Variants in TNPO1 observed in about 807,000 individuals in gnomAD.
The protein encoded by TNPO1 is transportin-1.
A neutral mutation model predicts 119.5 loss-of-function variants in TNPO1; 8 were observed. The ratio of observed to expected loss-of-function variants is 0.07; its 90% confidence interval spans 0.04 to 0.12. The LOEUF (loss-of-function observed/expected upper bound fraction) is 0.12, where lower values mean the gene tolerates loss of function less well. Among genes scored for constraint, TNPO1 ranks in the 10% least tolerant of loss-of-function variants. TNPO1 has a pLI of 1.00. For synonymous variants in TNPO1, 362 were observed against 363.0 expected, an observed-to-expected ratio of 1.00 and a Z score of 0.03; for missense variants, 576 against 1,089.8, an observed-to-expected ratio of 0.53 and a Z score of 6.64.
intron 10 of TNPO1, among the ~76,000 whole-genome samples, chr5:72,882,743 C>T (rs1247084705): frequency 6.6e-6 from 1 of 152,078 alleles, no homozygotes; most frequent in Non-Finnish European, 1.5e-5. Flanking sequence ...TTAATTTCCC[C>T]TTAATTACTT....
At chr5:72,861,343 A>G (rs1746431702) in intron 4 of TNPO1, among the ~76,000 whole-genome samples, 2 of 152,204 alleles carry the variant, frequency 1.3e-5, no homozygotes, top group Admixed American at 6.5e-5. Context: ...TTAGAAACAG[A>G]TCTGGTTTAT....
At chr5:72,863,016 G>GTT (rs1554051204) in intron 5 of TNPO1, among the ~76,000 whole-genome samples, 5 of 148,768 alleles carry the variant, frequency 3.4e-5, no homozygotes, top group Admixed American at 2.8e-4. Context: ...GTGTGTGTGT[G>GTT]TGTGTGTGTG....
chr5:72,886,186 C>T (rs913998109), intron 11 of TNPO1, among the ~76,000 whole-genome samples: 2 of 152,060 alleles, frequency 1.3e-5, no homozygotes, highest in Admixed American at 6.6e-5. Context: ...TTTTGTTGCT[C>T]TTGTCTAAAT....
intron 5 of TNPO1, among the ~76,000 whole-genome samples, chr5:72,862,988 GTT>G (rs1349801230): frequency 1.2e-4 from 14 of 114,158 alleles, no homozygotes; most frequent in East Asian, 2.9e-4. Context: ...TGACCTGTGG[GTT>G]TTTGTGTGTG....
rs1409118894 is a variant in TNPO1, at chr5:72,819,950, GTTAA to G, written c.15+3202_15+3205del. Among the ~76,000 whole-genome samples the G allele has an allele frequency of 5.3e-5, 8 of 152,262 alleles. No homozygotes were observed. In the East Asian group the frequency reaches 1.3e-3, roughly 26 times the overall value. On this transcript the variant is annotated intron_variant, in intron 1 of 24. Transcript: ENST00000337273. Reference sequence around the variant, plus strand: ...TGTTATCATCAATGTCATTATCACTGTTAATTATTTCAGAAAACTATAGAAAACC... The same window carrying G: ...TGTTATCATCAATGTCATTATCACTGTTATTTCAGAAAACTATAGAAAACC...
chr5:72,906,275 C>CTTTTCTTTTTTTT (rs1750152401), intron 24 of TNPO1, among the ~76,000 whole-genome samples: 2 of 54,698 alleles, frequency 3.7e-5, no homozygotes, highest in African/African-American at 1.4e-4. Flanking sequence ...TTTTTTTTTT[C>CTTTTCTTTTTTTT]TTTTTTTTTT....
At position 72,911,072 on chromosome 5, in the gene TNPO1, T is replaced by C. The variant is rs1229159024; in HGVS notation, c.*2399T>C. 3.0e-4 allele frequency: 45 copies of C among 152,070 alleles called. No individual in the cohort carries two copies. Among genetic ancestry groups the C allele is most frequent in the Admixed American group, 3.0e-3 (45 of 15,252 alleles). 9.4% of individuals were successfully genotyped at this position (152,070 alleles called of 1,614,324 possible). The stretch of plus-strand genomic sequence containing the variant: ...GATTATAGTGATATTCTGTAGTGCT[T>C]CAAATACTTAGAATTCTAATATGAG... On this transcript the variant is annotated 3_prime_UTR_variant, in exon 25 of 25. Coordinates refer to ENST00000337273, the MANE Select transcript of TNPO1 (RefSeq NM_002270.4).
chr5:72,861,437 C>G (rs1301222817), intron 4 of TNPO1, among the ~76,000 whole-genome samples: 1 of 152,146 alleles, frequency 6.6e-6, no homozygotes, highest in East Asian at 1.9e-4. Flanking sequence ...CAGGGTCTCA[C>G]TCTGCCCAGG....
At chr5:72,891,951 A>T (rs750616822) in intron 15 of TNPO1, 55 bp downstream of exon 15, 35 of 1,338,274 alleles carry the variant, frequency 2.6e-5, no homozygotes, top group Non-Finnish European at 3.6e-5. Flanking sequence ...TTCAAATCCA[A>T]AATGGGTATA....
At chr5:72,883,255 C>G (rs1197995195) in intron 11 of TNPO1, 23 bp downstream of exon 11, 24 of 1,109,032 alleles carry the variant, frequency 2.2e-5, no homozygotes, top group Non-Finnish European at 3.3e-5. Flanking sequence ...GGGAAAAGCA[C>G]AGTTGCCTAC....
Position 72,913,858 on chromosome 5 carries a change from C to G in TNPO1, c.*5185C>G, listed in dbSNP as rs1462901691. The G allele has an allele frequency of 6.6e-6, 1 of 152,470 alleles. No individual in the cohort carries two copies. The allele number at this position is 152,470 out of a possible 1,614,324, so 9.4% of individuals were successfully genotyped here. A position where few individuals can be genotyped will look rare whatever the true frequency, so the allele number is the denominator to read the frequency against. On this transcript the variant is annotated 3_prime_UTR_variant, in exon 25 of 25. Transcript: ENST00000337273. ...TTATGGAGACAATAATTAGACAATA[C>G]TGTATAATTAGTTTTACTTAATAGA...
At chr5:72,848,364 T>C in intron 1 of TNPO1, 21 bp from the exon 2 acceptor site, 2 of 1,606,556 alleles carry the variant, frequency 1.2e-6, no homozygotes, top group Non-Finnish European at 1.7e-6. Context: ...CGTCTCTTCC[T>C]GTGTCTGGCT....
Position 72,910,953 on chromosome 5 carries a change from A to G in TNPO1, c.*2280A>G, listed in dbSNP as rs1024671132. The G allele has an allele frequency of 6.6e-6, 1 of 152,052 alleles. No homozygotes were observed. Among genetic ancestry groups the G allele is most frequent in the Non-Finnish European group, 1.5e-5 (1 of 67,946 alleles). 9.4% of individuals were successfully genotyped at this position (152,052 alleles called of 1,614,324 possible). On this transcript the variant is annotated 3_prime_UTR_variant, in exon 25 of 25. Transcript: ENST00000337273. ...AAGTTGGATTCAAAGGGTATACAGCATTTTGTTTTCTAGTACCATTGCTTC... is the reference window on the plus strand; with the variant it reads ...AAGTTGGATTCAAAGGGTATACAGCGTTTTGTTTTCTAGTACCATTGCTTC...
chr5:72,848,260 C>T lies in TNPO1; in HGVS notation c.16-125C>T, dbSNP rs1023768956. The T allele has an allele frequency of 3.3e-5, 43 of 1,311,674 alleles. No individual in the cohort carries two copies. In the Admixed American group the frequency reaches 1.3e-3, roughly 40 times the overall value. The allele number at this position is 1,311,674 out of a possible 1,614,324, so 81.3% of individuals were successfully genotyped here. On this transcript the variant is annotated intron_variant, in intron 1 of 24. Transcript: ENST00000337273. ...CGGGGCACCTCAGGCAGGTCCGCGG[C>T]GTTTGGGGAGCGCTGGGGTTGTGGT... is the stretch of plus-strand genomic sequence containing the variant.
rs992720267 is a variant in TNPO1 at position 72,908,832 on chromosome 5, A to G, written c.*159A>G. ...TCCCAACCCTACTGGGAGGGGCGGG[A>G]GGGAGGTGTTGCCGTCACTGTATTA... On this transcript the variant is annotated 3_prime_UTR_variant, in exon 25 of 25. Coordinates refer to ENST00000337273, the MANE Select transcript of TNPO1 (RefSeq NM_002270.4). 2.3e-6 allele frequency: 1 copy of G among 444,352 alleles called. No homozygotes were observed. Among genetic ancestry groups the G allele is most frequent in the East Asian group, 7.2e-5 (1 of 13,800 alleles). The allele number at this position is 444,352 out of a possible 1,614,324, so 27.5% of individuals were successfully genotyped here.
At chr5:72,854,489 A>G (rs932639116) in intron 3 of TNPO1, among the ~76,000 whole-genome samples, 4 of 152,242 alleles carry the variant, frequency 2.6e-5, no homozygotes, top group Non-Finnish European at 4.4e-5. Flanking sequence ...TGGTTTTACA[A>G]TAACATTCTG....
intron 1 of TNPO1, among the ~76,000 whole-genome samples, chr5:72,840,890 A>G (rs1744881669): frequency 6.6e-6 from 1 of 152,194 alleles, no homozygotes; most frequent in East Asian, 1.9e-4. Flanking sequence ...GAAAGTTAAA[A>G]TTTTAACGTC....
intron 8 of TNPO1, 115 bp from the exon 9 acceptor site, chr5:72,877,113 A>G (rs905575189): frequency 5.8e-6 from 3 of 515,948 alleles, no homozygotes; most frequent in Non-Finnish European, 1.0e-5. Flanking sequence ...AAAAAAAAAA[A>G]AAAATTGCCT....
chr5:72,854,790 ATC>A (rs2112276400), intron 3 of TNPO1, among the ~76,000 whole-genome samples: 1 of 152,300 alleles, frequency 6.6e-6, no homozygotes, highest in African/African-American at 2.4e-5. Flanking sequence ...TGTAAATACT[ATC>A]TATGGATTAA....
Sources: allele counts gnomAD v4.1 joint callset (sites outside exome capture counted in the v4.1 genomes callset), GRCh38; gene constraint gnomAD v4.1.1; transcripts MANE v1.5; gene names NCBI Gene and HGNC (gene_info 2026-07-23, HGNC 2026-07-21).